Variants in UBE3B observed in about 807,000 individuals in gnomAD.
The protein encoded by UBE3B is ubiquitin protein ligase E3B, also known as ubiquitin-protein ligase E3B.
In UBE3B, 80 loss-of-function variants were observed where a neutral mutation model predicts 132.3. That is an observed-to-expected ratio of 0.60 (90% CI 0.50 to 0.73). The LOEUF (loss-of-function observed/expected upper bound fraction) is 0.73. Ranked by LOEUF, UBE3B falls within the 30% of genes least tolerant of loss-of-function variation. The pLI is 0.00. For missense variants in UBE3B, 1,196 were observed against 1,362.5 expected, an observed-to-expected ratio of 0.88 and a Z score of 1.92; for synonymous variants, 487 against 520.4, an observed-to-expected ratio of 0.94 and a Z score of 0.87.
At chr12:109,513,012 T>G (rs1880565768) in intron 18 of UBE3B, among the ~76,000 whole-genome samples, 1 of 152,268 alleles carries the variant, frequency 6.6e-6, no homozygotes. Context: ...GAACAACCCC[T>G]AAAAGTGGCT....
Position 109,522,147 on chromosome 12 carries a change from G to T in UBE3B, c.2364+596G>T, listed in dbSNP as rs1881787618. ...CATCAGTAAAGTGGAGATAAGAAAA[G>T]CCACATTCCTGGGTTGCCGTTAATG... On this transcript the variant is annotated intron_variant, in intron 21 of 27. Coordinates refer to ENST00000342494, the MANE Select transcript of UBE3B (RefSeq NM_130466.4). The surrounding 1 kb of genome is among the most constrained non-coding windows in gnomAD (Gnocchi z 4.2). Among the ~76,000 whole-genome samples the T allele has an allele frequency of 6.6e-6, 1 of 152,198 alleles. No individual in the cohort carries two copies. Among genetic ancestry groups the T allele is most frequent in the African/African-American group, 2.4e-5 (1 of 41,444 alleles).
Position 109,516,483 on chromosome 12 carries a change from AG to A in UBE3B, c.1957-280del, listed in dbSNP as rs556671750. Among the ~76,000 whole-genome samples, 20 of 152,256 alleles carry A rather than the reference AG, an allele frequency of 1.3e-4. No individual in the cohort carries two copies. The East Asian group carries it at 3.5e-3, about 27-fold the overall frequency. On this transcript the variant is annotated intron_variant, in intron 18 of 27. Transcript: ENST00000342494. ...TGAGCCCCCACGCCCAGCCTTGAGGAGGATTTTCTCGTGGGCCATTCCTAGC... is the reference window on the plus strand; with the variant it reads ...TGAGCCCCCACGCCCAGCCTTGAGGAGATTTTCTCGTGGGCCATTCCTAGC...
intron 6 of UBE3B, among the ~76,000 whole-genome samples, chr12:109,487,192 G>T (rs1185653088): frequency 6.6e-6 from 1 of 152,134 alleles, no homozygotes; most frequent in Non-Finnish European, 1.5e-5. Context: ...TGAATCCTGG[G>T]TTCATCTCTG....
rs1219190548 is a variant in UBE3B, at chr12:109,521,673, CA to C, written c.2364+123del. On this transcript the variant is annotated intron_variant, in intron 21 of 27. Transcript: ENST00000342494. The surrounding 1 kb of genome is among the most constrained non-coding windows in gnomAD (Gnocchi z 4.2). ...ACTGTCACTAGGATACAAGCGAGGA[CA>C]GGGGCAGGAACCAAGGTTTGTTGTA... 6 of 904,036 alleles carry C rather than the reference CA, an allele frequency of 6.6e-6. No individual in the cohort carries two copies. The highest frequency in any genetic ancestry group is 2.7e-5 in the East Asian group (1 of 37,302). 56.0% of individuals were successfully genotyped at this position (904,036 alleles called of 1,614,324 possible).
rs1345778773 is a variant in UBE3B at position 109,483,631 on chromosome 12, AG to A, written c.82del (p.Glu28AsnfsTer8). On this transcript the variant is annotated frameshift_variant, in exon 3 of 28. Coordinates refer to ENST00000342494, the MANE Select transcript of UBE3B (RefSeq NM_130466.4). LOFTEE classifies it high-confidence loss of function. ...GCACGAGAAGAAAGGCTTGTGCAGA[AG>A]GAACGGGAGCGGGCAGCTGTTGTGA... is the stretch of plus-strand genomic sequence containing the variant. ...RQAREERLVQ[K>X]ERERAAVVIQ... 1.2e-6 allele frequency: 2 copies of A among 1,613,576 alleles called. No individual in the cohort carries two copies. The highest frequency in any genetic ancestry group is 1.7e-6 in the Non-Finnish European group (2 of 1,179,868).
chr12:109,519,009 A>G (rs1045455634), intron 19 of UBE3B, among the ~76,000 whole-genome samples: 1 of 152,176 alleles, frequency 6.6e-6, no homozygotes, highest in Admixed American at 6.5e-5. Context: ...TATGGTTAGT[A>G]TTGAGGGCTA....
intron 14 of UBE3B, among the ~76,000 whole-genome samples, chr12:109,506,069 G>A (rs529135439): frequency 1.5e-4 from 23 of 152,320 alleles, no homozygotes; most frequent in African/African-American, 5.1e-4. Flanking sequence ...TAGCCATCAG[G>A]AAACAAATTT....
intron 24 of UBE3B, among the ~76,000 whole-genome samples, chr12:109,529,505 T>A (rs1234331409): frequency 6.6e-6 from 1 of 152,250 alleles, no homozygotes; most frequent in East Asian, 1.9e-4. Context: ...GTATCTTAAT[T>A]GATTTATGTC....
At chr12:109,488,501 G>A (rs776694880) in intron 6 of UBE3B, 71 bp from the exon 7 acceptor site, 7 of 1,395,702 alleles carry the variant, frequency 5.0e-6, no homozygotes, top group Non-Finnish European at 7.1e-6. Flanking sequence ...TAGAGCAGTT[G>A]TAAAGTGAAC....
At chr12:109,547,360 A>T in the UBE3B span, among the ~76,000 whole-genome samples, 1 of 152,258 alleles carries the variant, frequency 6.6e-6, no homozygotes, top group Non-Finnish European at 1.5e-5. This position sits in a 1 kb window ranked among gnomAD's most constrained non-coding sequence, Gnocchi z 4.1. Context: ...TGCTGAGATC[A>T]AACAAGGTCA....
rs747781423 is a variant in UBE3B, at chr12:109,521,184, G to A, written c.2113G>A (p.Ala705Thr). The A allele has an allele frequency of 5.6e-6, 9 of 1,614,086 alleles. No individual in the cohort carries two copies. Among genetic ancestry groups the A allele is most frequent in the Non-Finnish European group, 5.9e-6 (7 of 1,180,048 alleles). ...YEQLRQLSQH[A>T]MKGVIRVKFV... ...GCAGCTTAGGCAGCTCTCCCAGCAC[G>A]CCATGAAGGGGGTCATCCGTGTGAA... The change falls in exon 20 of 28, where the codon GCC becomes ACC. Residue 705 changes from alanine to threonine, a missense_variant. Physicochemically the swap from Ala to Thr is moderately conservative, Grantham distance 58. Coordinates refer to ENST00000342494, the MANE Select transcript of UBE3B (RefSeq NM_130466.4). The surrounding 1 kb of genome is among the most constrained non-coding windows in gnomAD (Gnocchi z 4.2).
intron 14 of UBE3B, 96 bp from the exon 15 acceptor site, chr12:109,507,468 A>G: frequency 7.6e-7 from 1 of 1,320,642 alleles, no homozygotes; most frequent in South Asian, 1.4e-5. Context: ...ATGTTCATGG[A>G]TAGGTTTAAG....
chr12:109,486,580 CAAA>C lies in UBE3B; in HGVS notation c.447+26_447+28del, dbSNP rs201336062. The C allele has an allele frequency of 0.12, 66,622 of 549,580 alleles. 572 individuals carry two copies. The highest frequency in any genetic ancestry group is 0.2 in the African/African-American group (7,127 of 34,896). The allele number at this position is 549,580 out of a possible 1,614,324, so 34.0% of individuals were successfully genotyped here. A position where few individuals can be genotyped will look rare whatever the true frequency, so the allele number is the denominator to read the frequency against. On this transcript the variant is annotated splice_donor_region_variant and intron_variant, in intron 6 of 27. Transcript: ENST00000342494. ...GATTTTCTCAAGCAGCTCAAGGTAA[CAAA>C]AAAAAAAAAAAAAAAAAAAAGCAAA... is the stretch of plus-strand genomic sequence containing the variant.
chr12:109,483,059 T>C (rs1236268823), intron 2 of UBE3B, among the ~76,000 whole-genome samples: 1 of 152,226 alleles, frequency 6.6e-6, no homozygotes, highest in Non-Finnish European at 1.5e-5. Context: ...TGACAGCAAA[T>C]AATCATGTTG....
At chr12:109,517,540 G>A (rs1881211970) in intron 19 of UBE3B, among the ~76,000 whole-genome samples, 1 of 152,292 alleles carries the variant, frequency 6.6e-6, no homozygotes, top group East Asian at 1.9e-4. Flanking sequence ...GAACATGGTT[G>A]TCATAAACTT....
At chr12:109,515,372 TG>T (rs1880905946) in intron 18 of UBE3B, among the ~76,000 whole-genome samples, 1 of 152,058 alleles carries the variant, frequency 6.6e-6, no homozygotes, top group Non-Finnish European at 1.5e-5. Flanking sequence ...TTTTTGTTGT[TG>T]TTGTTGTTGT....
rs1261511419 is a variant in UBE3B, at chr12:109,535,133, C to G, written c.*351C>G. 1.0e-5 allele frequency: 2 copies of G among 193,838 alleles called. No individual in the cohort carries two copies. Among genetic ancestry groups the G allele is most frequent in the Non-Finnish European group, 2.1e-5 (2 of 96,248 alleles). 12.0% of individuals were successfully genotyped at this position (193,838 alleles called of 1,614,324 possible). ...TGAGTGAGCTGTGTATGAACAAGTC[C>G]CAGGAGTTCCAAGAGTCTAGAGTGG... On this transcript the variant is annotated 3_prime_UTR_variant, in exon 28 of 28. Coordinates refer to ENST00000342494, the MANE Select transcript of UBE3B (RefSeq NM_130466.4).
intron 1 of UBE3B, among the ~76,000 whole-genome samples, chr12:109,479,694 A>G (rs1875022178): frequency 6.6e-6 from 1 of 152,242 alleles, no homozygotes; most frequent in Non-Finnish European, 1.5e-5. Context: ...GAAAAACTGT[A>G]AAGTGTAGGC....
intron 2 of UBE3B, among the ~76,000 whole-genome samples, chr12:109,482,616 T>G (rs1243265602): frequency 6.6e-6 from 1 of 152,242 alleles, no homozygotes; most frequent in Non-Finnish European, 1.5e-5. Context: ...CTGGGCTGAT[T>G]GTGCATTTTG....
Sources: gnomAD v4.1 joint callset for allele counts (sites outside exome capture counted in the v4.1 genomes callset) on GRCh38, gnomAD v4.1.1 for gene constraint, Gnocchi (gnomAD v3.1) non-coding constraint, MANE v1.5 for transcripts, NCBI Gene and HGNC (gene_info 2026-07-23, HGNC 2026-07-21) for gene names.